Variants in HLCS observed in about 807,000 individuals in gnomAD.
HLCS encodes holocarboxylase synthetase.
In HLCS, 53 loss-of-function variants were observed where a neutral mutation model predicts 75.0. The observed-to-expected ratio is 0.71, with a 90% CI of 0.57 to 0.89. HLCS has a LOEUF of 0.89. Among genes scored for constraint, HLCS ranks in the 40% least tolerant of loss-of-function variants. HLCS has a pLI of 0.00. For missense variants in HLCS, 966 were observed against 1,074.0 expected, an observed-to-expected ratio of 0.90 and a Z score of 1.41; for synonymous variants, 431 against 428.6, an observed-to-expected ratio of 1.01 and a Z score of -0.07.
At chr21:36,888,451 T>A (rs1462775202) in intron 6 of HLCS, among the ~76,000 whole-genome samples, 512 of 11,312 alleles carry the variant, frequency 0.045, 13 homozygotes, top group African/African-American at 0.066. Context: ...AAAAAATATA[T>A]ATATATATAT....
chr21:36,859,494 G>T (rs562401866), intron 6 of HLCS, among the ~76,000 whole-genome samples: 1 of 152,330 alleles, frequency 6.6e-6, no homozygotes, highest in East Asian at 1.9e-4. Flanking sequence ...CCCCCACAGG[G>T]TCCACAAGAG....
intron 6 of HLCS, among the ~76,000 whole-genome samples, chr21:36,816,787 G>A (rs1248707004): frequency 6.6e-6 from 1 of 152,202 alleles, no homozygotes; most frequent in Non-Finnish European, 1.5e-5. Flanking sequence ...GAAGCTCATA[G>A]CCACCACGAA....
At chr21:36,862,944 TC>T (rs1207211359) in intron 6 of HLCS, among the ~76,000 whole-genome samples, 6 of 136,086 alleles carry the variant, frequency 4.4e-5, no homozygotes, top group Middle Eastern at 3.8e-3. Flanking sequence ...TCTCTTTCTC[TC>T]TTTTTTTTTT....
At chr21:36,952,789 CAAAAAAAAAAAAAA>C (rs35700333) in intron 2 of HLCS, among the ~76,000 whole-genome samples, 1 of 48,854 alleles carries the variant, frequency 2.0e-5, no homozygotes, top group Non-Finnish European at 4.3e-5. Context: ...GACTCCGTCT[CAAAAAAAAAAAAAA>C]AAAAAAAAAG....
chr21:36,943,081 C>T (rs1029375702), intron 2 of HLCS, among the ~76,000 whole-genome samples: 1 of 152,102 alleles, frequency 6.6e-6, no homozygotes, highest in African/African-American at 2.4e-5. Flanking sequence ...AAGATACCAA[C>T]AAGGACAAGG....
intron 1 of HLCS, among the ~76,000 whole-genome samples, chr21:36,962,378 A>G (rs1017767316): frequency 3.3e-5 from 5 of 152,188 alleles, no homozygotes; most frequent in African/African-American, 1.2e-4. Context: ...TCGATGACTC[A>G]GGACAGCTTT....
At chr21:36,960,143 C>CCCG (rs2068213667) in intron 2 of HLCS, among the ~76,000 whole-genome samples, 1 of 121,148 alleles carries the variant, frequency 8.3e-6, no homozygotes, top group African/African-American at 3.1e-5. Context: ...CCCCCCCCCC[C>CCCG]CCGACCCTGC....
chr21:36,978,009 G>A (rs74554239), intron 1 of HLCS, among the ~76,000 whole-genome samples: 6,107 of 152,176 alleles, frequency 0.04, 267 homozygotes, highest in African/African-American at 0.11. Context: ...CCAGTAAATC[G>A]AGTTGCCTTT....
chr21:36,979,027 T>G (rs2069025925), intron 1 of HLCS, among the ~76,000 whole-genome samples: 1 of 151,972 alleles, frequency 6.6e-6, no homozygotes, highest in African/African-American at 2.4e-5. Context: ...CCCAGCACTT[T>G]GGGAGGCTGA....
chr21:36,830,171 G>A (rs1247813200), intron 6 of HLCS, among the ~76,000 whole-genome samples: 5 of 152,134 alleles, frequency 3.3e-5, no homozygotes, highest in African/African-American at 1.2e-4. Flanking sequence ...AGAGAGAGGG[G>A]CCCGGAACAG....
chr21:36,933,571 A>T (rs981714743), intron 4 of HLCS, among the ~76,000 whole-genome samples: 3 of 144,904 alleles, frequency 2.1e-5, no homozygotes, highest in Non-Finnish European at 3.0e-5. Flanking sequence ...AAAAAAAAAA[A>T]ACAATCTGTA....
Position 36,767,101 on chromosome 21 carries a change from T to A in HLCS, c.1960+117A>T, listed in dbSNP as rs2835455. 68,645 of 965,434 alleles carry A rather than the reference T, an allele frequency of 0.071. 5,547 individuals carry two copies. The highest frequency in any genetic ancestry group is 0.35 in the African/African-American group (21,808 of 62,088). 59.8% of individuals were successfully genotyped at this position (965,434 alleles called of 1,614,324 possible). On this transcript the variant is annotated intron_variant, in intron 7 of 10. Transcript: ENST00000674895. Reference sequence around the variant, plus strand: ...ATTCCAGGCGGTTATGAAAACAGAATCTACTAACTTGAGTCCCCCAGATGA... The same window carrying A: ...ATTCCAGGCGGTTATGAAAACAGAAACTACTAACTTGAGTCCCCCAGATGA...
intron 6 of HLCS, among the ~76,000 whole-genome samples, chr21:36,895,944 T>C (rs1474488662): frequency 6.6e-6 from 1 of 152,234 alleles, no homozygotes; most frequent in African/African-American, 2.4e-5. Flanking sequence ...CTTTCATTTG[T>C]TTTCTATTTT....
At chr21:36,896,683 ACTTCAATTTC>A (rs1363850118) in intron 6 of HLCS, 167 bp downstream of exon 6, 1 of 684,946 alleles carries the variant, frequency 1.5e-6, no homozygotes, top group African/African-American at 1.8e-5. Context: ...TGATCAAAGA[ACTTCAATTTC>A]CTTTCCCACG....
At chr21:36,789,137 C>T (rs1272278431) in intron 6 of HLCS, among the ~76,000 whole-genome samples, 2 of 152,206 alleles carry the variant, frequency 1.3e-5, no homozygotes, top group Non-Finnish European at 2.9e-5. Context: ...TCACTGCAGG[C>T]TTGACCTCCC....
intron 9 of HLCS, among the ~76,000 whole-genome samples, chr21:36,759,369 C>T (rs1200646509): frequency 6.6e-6 from 1 of 152,222 alleles, no homozygotes; most frequent in Non-Finnish European, 1.5e-5. Context: ...GAATGCAAGA[C>T]ACCAGGAGAA....
intron 5 of HLCS, among the ~76,000 whole-genome samples, chr21:36,919,875 G>T (rs181363532): frequency 1.3e-5 from 2 of 152,106 alleles, no homozygotes; most frequent in African/African-American, 2.4e-5. Flanking sequence ...TCTTAGAAAA[G>T]AATGCATTCA....
chr21:36,796,584 T>C (rs2061032094), intron 6 of HLCS, among the ~76,000 whole-genome samples: 1 of 152,184 alleles, frequency 6.6e-6, no homozygotes, highest in South Asian at 2.1e-4. Context: ...GTTGGGAGAC[T>C]TCCCCAAACC....
chr21:36,779,503 T>C (rs886218731), intron 6 of HLCS, among the ~76,000 whole-genome samples: 1 of 152,100 alleles, frequency 6.6e-6, no homozygotes, highest in Admixed American at 6.5e-5. Flanking sequence ...TCTCCAATAG[T>C]GGGAAATCTG....
Sources: gnomAD v4.1 joint callset for allele counts (sites outside exome capture counted in the v4.1 genomes callset) on GRCh38, gnomAD v4.1.1 for gene constraint, MANE v1.5 for transcripts, NCBI Gene and HGNC (gene_info 2026-07-23, HGNC 2026-07-21) for gene names.